The following DAB1 variants were observed in gnomAD, a reference collection of about 807,000 sequenced individuals.
The protein encoded by DAB1 is disabled homolog 1.
In DAB1, 15 loss-of-function variants were observed where a neutral mutation model predicts 64.6. That is an observed-to-expected ratio of 0.23 (90% CI 0.16 to 0.36). DAB1 has a LOEUF of 0.36. DAB1 is among the 10% of genes least tolerant of loss of function. The probability of loss-of-function intolerance (pLI) is 1.00; values close to 1 mark genes in which losing one functional copy is unlikely to be tolerated. For missense variants in DAB1, 596 were observed against 706.7 expected, an observed-to-expected ratio of 0.84 and a Z score of 1.78; for synonymous variants, 235 against 251.9, an observed-to-expected ratio of 0.93 and a Z score of 0.64.
intron 1 of DAB1, among the ~76,000 whole-genome samples, chr1:57,408,611 C>A (rs565283740): frequency 2.0e-5 from 3 of 152,168 alleles, no homozygotes; most frequent in Admixed American, 6.5e-5. Context: ...GCTTGCCTTG[C>A]CAATACAGAG....
At chr1:57,543,189 G>A (rs1482290535) in intron 7 of DAB1, among the ~76,000 whole-genome samples, 3 of 152,132 alleles carry the variant, frequency 2.0e-5, no homozygotes, top group African/African-American at 2.4e-5. Context: ...TAAGTTTCAC[G>A]GTTTTCTACC....
At chr1:57,246,475 T>C (rs1016353807) in intron 2 of DAB1, among the ~76,000 whole-genome samples, 1 of 152,130 alleles carries the variant, frequency 6.6e-6, no homozygotes, top group Non-Finnish European at 1.5e-5. Flanking sequence ...AGAGGATGTA[T>C]AGAAATGCCT....
intron 7 of DAB1, among the ~76,000 whole-genome samples, chr1:57,466,891 T>C (rs1466903203): frequency 6.6e-6 from 1 of 152,186 alleles, no homozygotes; most frequent in Non-Finnish European, 1.5e-5. Context: ...TTCTCACACT[T>C]GAAATCTCTC....
intron 5 of DAB1, among the ~76,000 whole-genome samples, chr1:58,030,016 G>T (rs1380447869): frequency 6.6e-6 from 1 of 152,064 alleles, no homozygotes. Flanking sequence ...GACCAACCTG[G>T]CCAACAAGGT....
chr1:57,202,734 T>G (rs1665206696), intron 2 of DAB1, among the ~76,000 whole-genome samples: 1 of 152,220 alleles, frequency 6.6e-6, no homozygotes, highest in Non-Finnish European at 1.5e-5. Flanking sequence ...AATCAAGTTA[T>G]CACACTGGTA....
At chr1:58,040,145 A>T (rs1647112583) in intron 5 of DAB1, among the ~76,000 whole-genome samples, 1 of 152,214 alleles carries the variant, frequency 6.6e-6, no homozygotes, top group South Asian at 2.1e-4. Context: ...CACATGCTAC[A>T]TGTTAAGTAT....
chr1:57,818,919 T>C (rs1461712366), intron 6 of DAB1, among the ~76,000 whole-genome samples: 1 of 152,162 alleles, frequency 6.6e-6, no homozygotes, highest in Non-Finnish European at 1.5e-5. Flanking sequence ...CCTCTTCAAT[T>C]ATACAACTCT....
At chr1:57,533,673 T>TA (rs5774353) in intron 7 of DAB1, among the ~76,000 whole-genome samples, 26,824 of 147,552 alleles carry the variant, frequency 0.18, 2,998 homozygotes, top group Non-Finnish European at 0.24. Flanking sequence ...CAGCCAAAAT[T>TA]AAAAAAAAAA....
chr1:57,469,838 A>G (rs1377007423), intron 7 of DAB1, among the ~76,000 whole-genome samples: 1 of 152,196 alleles, frequency 6.6e-6, no homozygotes, highest in Non-Finnish European at 1.5e-5. Context: ...TGTAGATTTG[A>G]TTTCCTTCTT....
chr1:57,421,952 AC>A (rs947709509), intron 1 of DAB1, among the ~76,000 whole-genome samples: 11 of 141,690 alleles, frequency 7.8e-5, no homozygotes, highest in Admixed American at 6.5e-4. Flanking sequence ...ACATCTCCGA[AC>A]CCCCATCTAT....
intron 4 of DAB1, among the ~76,000 whole-genome samples, chr1:58,209,629 T>C (rs917822643): frequency 2.0e-5 from 3 of 152,194 alleles, no homozygotes; most frequent in African/African-American, 7.2e-5. Flanking sequence ...ATATGTTTGA[T>C]TGACATAAAT....
chr1:57,200,819 A>G (rs1665035307), intron 2 of DAB1, among the ~76,000 whole-genome samples: 1 of 152,260 alleles, frequency 6.6e-6, no homozygotes, highest in Admixed American at 6.5e-5. Flanking sequence ...TTTCCAATTT[A>G]CAAAACAATT....
At chr1:57,983,872 C>T (rs1451647094) in intron 5 of DAB1, among the ~76,000 whole-genome samples, 1 of 152,092 alleles carries the variant, frequency 6.6e-6, no homozygotes, top group Admixed American at 6.6e-5. Flanking sequence ...AATGTGTTTG[C>T]AGTGGTTCTC....
At chr1:57,326,954 T>TTTA (rs1676212478) in intron 1 of DAB1, among the ~76,000 whole-genome samples, 3 of 112,218 alleles carry the variant, frequency 2.7e-5, no homozygotes, top group South Asian at 5.3e-4. Context: ...TTATTTATTT[T>TTTA]TTGAGACAGG....
intron 5 of DAB1, among the ~76,000 whole-genome samples, chr1:57,963,247 A>G (rs966444864): frequency 6.6e-6 from 1 of 152,244 alleles, no homozygotes; most frequent in African/African-American, 2.4e-5. Context: ...CTCACTTTAG[A>G]CCATGACTAA....
At chr1:58,353,403 T>C (rs1221150528) in intron 3 of DAB1, among the ~76,000 whole-genome samples, 1 of 152,200 alleles carries the variant, frequency 6.6e-6, no homozygotes, top group Admixed American at 6.5e-5. Flanking sequence ...CCTTCTGATA[T>C]ATTAAGAATA....
At chr1:57,573,639 G>A (rs1645216989) in intron 7 of DAB1, among the ~76,000 whole-genome samples, 1 of 152,112 alleles carries the variant, frequency 6.6e-6, no homozygotes, top group South Asian at 2.1e-4. Flanking sequence ...TATTCATTGT[G>A]GTATAAATCC....
At chr1:57,913,019 C>T (rs558132610) in intron 5 of DAB1, among the ~76,000 whole-genome samples, 1 of 152,272 alleles carries the variant, frequency 6.6e-6, no homozygotes, top group African/African-American at 2.4e-5. Context: ...CCATACTGTG[C>T]AAGGTAATTT....
intron 2 of DAB1, among the ~76,000 whole-genome samples, chr1:57,235,468 T>A (rs1394162973): frequency 6.6e-6 from 1 of 152,182 alleles, no homozygotes; most frequent in Non-Finnish European, 1.5e-5. Context: ...ATGCCTGATA[T>A]ATATTAGCTC....
Sources: gnomAD v4.1 joint callset for allele counts (sites outside exome capture counted in the v4.1 genomes callset) on GRCh38, gnomAD v4.1.1 for gene constraint, MANE v1.5 for transcripts, NCBI Gene and HGNC (gene_info 2026-07-23, HGNC 2026-07-21) for gene names.